PTPRS: variants seen among roughly 807,000 people sequenced by gnomAD.
The protein encoded by PTPRS is protein tyrosine phosphatase receptor type S, also known as receptor-type tyrosine-protein phosphatase S.
A neutral mutation model predicts 215.3 loss-of-function variants in PTPRS; 63 were observed. The ratio of observed to expected loss-of-function variants is 0.29; its 90% CI spans 0.24 to 0.36. PTPRS has a LOEUF of 0.36. Among genes scored for constraint, PTPRS ranks in the 10% least tolerant of loss-of-function variants. The pLI is 1.00. For missense variants in PTPRS, 2,258 were observed against 2,825.8 expected, an observed-to-expected ratio of 0.80 and a Z score of 4.56; for synonymous variants, 1,404 against 1,191.4, an observed-to-expected ratio of 1.18 and a Z score of -3.68.
Position 5,256,217 on chromosome 19 carries a change from G to A in PTPRS, c.707-98C>T, listed in dbSNP as rs1468654012. 4.4e-6 allele frequency: 4 copies of A among 905,644 alleles called. No homozygotes were observed. In the African/African-American group the frequency reaches 5.3e-5, roughly 12 times the overall value. The allele number at this position is 905,644 out of a possible 1,614,324, so 56.1% of individuals were successfully genotyped here. On this transcript the variant is annotated intron_variant, in intron 8 of 37. Transcript: ENST00000262963. ...GAGAGTAAAAAGAGGACTTCCCAAG[G>A]CTAAAAGCTGCAATAGTTTGTTGTT...
At chr19:5,220,190 G>C (rs1201746028) in intron 21 of PTPRS, 36 bp from the exon 22 acceptor site, 1 of 1,608,968 alleles carries the variant, frequency 6.2e-7, no homozygotes, top group Non-Finnish European at 8.5e-7. Context: ...TCAGAGCTCA[G>C]CTGGGAGCAA....
intron 11 of PTPRS, among the ~76,000 whole-genome samples, chr19:5,242,812 T>C (rs1211268905): frequency 6.6e-6 from 1 of 152,130 alleles, no homozygotes; most frequent in Non-Finnish European, 1.5e-5. Flanking sequence ...TCCTCTCATC[T>C]CAGCCTTGAG....
At position 5,338,209 on chromosome 19, in the gene PTPRS, T is replaced by A. The variant is rs2050568745; in HGVS notation, c.-95+2455A>T. Among the ~76,000 whole-genome samples, 1 of 152,182 alleles carries A rather than the reference T, an allele frequency of 6.6e-6. No individual in the cohort carries two copies. The highest frequency in any genetic ancestry group is 1.5e-5 in the Non-Finnish European group (1 of 68,022). On this transcript the variant is annotated intron_variant, in intron 1 of 37. Coordinates refer to ENST00000262963, the MANE Select transcript of PTPRS (RefSeq NM_002850.4). The surrounding 1 kb of genome is among the most constrained non-coding windows in gnomAD (Gnocchi z 4.2). Reference sequence around the variant, plus strand: ...ACCCCCTGGGGGGTTAGGGGCAATGTCATCGGCCAGGGTGGCAGAAATAGA... The same window carrying A: ...ACCCCCTGGGGGGTTAGGGGCAATGACATCGGCCAGGGTGGCAGAAATAGA...
chr19:5,333,555 G>C (rs951313614), intron 1 of PTPRS, among the ~76,000 whole-genome samples: 9 of 151,770 alleles, frequency 5.9e-5, no homozygotes, highest in African/African-American at 2.2e-4. Context: ...TGGGGTGGGG[G>C]GTCCTGTGTG....
chr19:5,241,307 G>A (rs544838984), intron 11 of PTPRS, among the ~76,000 whole-genome samples: 7 of 152,014 alleles, frequency 4.6e-5, no homozygotes, highest in African/African-American at 9.6e-5. Flanking sequence ...TTTTTGAAAC[G>A]GGGTCTCACT....
chr19:5,208,344 C>T lies in PTPRS; in HGVS notation c.5535G>A (p.Pro1845=), dbSNP rs145313091. 8.0e-4 allele frequency: 1,293 copies of T among 1,613,590 alleles called. No homozygotes were observed. The highest frequency in any genetic ancestry group is 1.0e-3 in the Non-Finnish European group (1,215 of 1,179,648). ...CCCCCGACTTTGGCACACCCTGTTCCGGCCAGTCTGTGAACTGGAACTGCC... is the reference window on the plus strand; with the variant it reads ...CCCCCGACTTTGGCACACCCTGTTCTGGCCAGTCTGTGAACTGGAACTGCC... ...TVRQFQFTDW[P]EQGVPKSGEG... The change falls in exon 36 of 38, where the codon CCG becomes CCA. Residue 1845 remains proline, a synonymous_variant. Transcript: ENST00000262963.
chr19:5,340,167 C>A (rs2050643712), intron 1 of PTPRS, among the ~76,000 whole-genome samples: 1 of 151,424 alleles, frequency 6.6e-6, no homozygotes, highest in East Asian at 2.0e-4. Flanking sequence ...CCTCTCCGCT[C>A]CGGGGCGCCC....
At chr19:5,284,299 G>T (rs963605876) in intron 2 of PTPRS, among the ~76,000 whole-genome samples, 1 of 151,886 alleles carries the variant, frequency 6.6e-6, no homozygotes, top group Non-Finnish European at 1.5e-5. Flanking sequence ...GGCGGAGGTT[G>T]CAGTGAGCCG....
Position 5,206,714 on chromosome 19 carries a change from G to GCC in PTPRS, c.*58_*59dup. The GCC allele has an allele frequency of 6.6e-7, 1 of 1,513,680 alleles. No individual in the cohort carries two copies. Among genetic ancestry groups the GCC allele is most frequent in the Non-Finnish European group, 9.2e-7 (1 of 1,090,866 alleles). 93.8% of individuals were successfully genotyped at this position (1,513,680 alleles called of 1,614,324 possible). A position where few individuals can be genotyped will look rare whatever the true frequency, so the allele number is the denominator to read the frequency against. On this transcript the variant is annotated 3_prime_UTR_variant, in exon 38 of 38. Transcript: ENST00000262963. ...TGGGGGTCCAGGCCTCAGGAGGTCC[G>GCC]CCCGGGAGGGGCAGAGGCATCCGGG...
At chr19:5,238,701 CA>C (rs2043702616) in intron 13 of PTPRS, among the ~76,000 whole-genome samples, 2 of 152,252 alleles carry the variant, frequency 1.3e-5, no homozygotes, top group South Asian at 4.1e-4. Context: ...GGCCCAGGGG[CA>C]CAGACAACCC....
intron 2 of PTPRS, chr19:5,278,272 G>A: frequency 2.8e-6 from 1 of 358,584 alleles, no homozygotes; most frequent in Non-Finnish European, 5.2e-6. Flanking sequence ...AGGCTGGAGT[G>A]CAATGGCACG....
At position 5,215,281 on chromosome 19, in the gene PTPRS, C is replaced by T. The variant is rs367664026; in HGVS notation, c.4318+8G>A. The T allele has an allele frequency of 9.9e-6, 16 of 1,613,332 alleles. No homozygotes were observed. Among genetic ancestry groups the T allele is most frequent in the Admixed American group, 5.0e-5 (3 of 59,986 alleles). Reference sequence around the variant, plus strand: ...AGGGCAGGTTAAGACCCGGGATCTCCGAACTACCTTCAATGGGCTGGAGGA... The same window carrying T: ...AGGGCAGGTTAAGACCCGGGATCTCTGAACTACCTTCAATGGGCTGGAGGA... On this transcript the variant is annotated splice_region_variant and intron_variant, in intron 28 of 37. Coordinates refer to ENST00000262963, the MANE Select transcript of PTPRS (RefSeq NM_002850.4).
intron 4 of PTPRS, among the ~76,000 whole-genome samples, chr19:5,272,088 C>A (rs1206662716): frequency 2.0e-5 from 3 of 152,122 alleles, no homozygotes; most frequent in Admixed American, 1.3e-4. Flanking sequence ...CTAGGTCACA[C>A]AGCAACCAAG....
chr19:5,224,280 G>A (rs2042276143), intron 17 of PTPRS, among the ~76,000 whole-genome samples: 1 of 152,214 alleles, frequency 6.6e-6, no homozygotes, highest in Non-Finnish European at 1.5e-5. Context: ...CGTGCTCCAG[G>A]AAGAGGGAAC....
Position 5,273,479 on chromosome 19 carries a change from C to T in PTPRS, c.342G>A (p.Gly114=), listed in dbSNP as rs1317634341. Residue 114 remains glycine (G), a synonymous_variant, in exon 4 of 38, where the codon GGG becomes GGA. Coordinates refer to ENST00000262963, the MANE Select transcript of PTPRS (RefSeq NM_002850.4). Reference sequence around the variant, plus strand: ...TAAGCTTGGCATGGACTGTGATCTCCCCAACCGAGTTCTGGGCCACACACT... The same window carrying T: ...TAAGCTTGGCATGGACTGTGATCTCTCCAACCGAGTTCTGGGCCACACACT... ...VYECVAQNSV[G]EITVHAKLTV... The T allele has an allele frequency of 1.2e-6, 2 of 1,614,180 alleles. No homozygotes were observed. The highest frequency in any genetic ancestry group is 1.1e-5 in the South Asian group (1 of 91,084).
In PTPRS at chr19:5,237,477, G is replaced by A. The variant is rs905583557; in HGVS notation, c.1849+1442C>T. Among the ~76,000 whole-genome samples, 3 of 152,138 alleles carry A rather than the reference G, an allele frequency of 2.0e-5. No individual in the cohort carries two copies. The highest frequency in any genetic ancestry group is 6.5e-5 in the Admixed American group (1 of 15,278). ...GTGTAGGTCACGTCCTTCACAATCC[G>A]GCCCAACCTGCATGACATCTCGGGA... On this transcript the variant is annotated intron_variant, in intron 13 of 37. Transcript: ENST00000262963. The surrounding 1 kb of genome is among the most constrained non-coding windows in gnomAD (Gnocchi z 4.2).
Position 5,212,456 on chromosome 19 carries a change from G to A in PTPRS, c.4650C>T (p.Phe1550=). ...CATGGTCCGGCCACGCCGTAAACTG[G>A]AACTGGCGGACCTCGCGTTTCTCAC... ...GSSEKREVRQ[F]QFTAWPDHGV... is the part of the protein sequence containing the mutation. The change falls in exon 31 of 38, where the codon TTC becomes TTT. Residue 1550 remains phenylalanine (F), a synonymous_variant. Transcript: ENST00000262963. 1 of 1,600,082 alleles carries A rather than the reference G, an allele frequency of 6.2e-7. No homozygotes were observed. Among genetic ancestry groups the A allele is most frequent in the Non-Finnish European group, 8.5e-7 (1 of 1,173,282 alleles).
Position 5,221,403 on chromosome 19 carries a change from C to T in PTPRS, c.3202-150G>A. ...ATCTAACACTGACTGATCCCTGATCCCAGGCTGAGTCCCCAACTCTGACTG... is the reference window on the plus strand; with the variant it reads ...ATCTAACACTGACTGATCCCTGATCTCAGGCTGAGTCCCCAACTCTGACTG... On this transcript the variant is annotated intron_variant, in intron 19 of 37. Coordinates refer to ENST00000262963, the MANE Select transcript of PTPRS (RefSeq NM_002850.4). The T allele has an allele frequency of 4.6e-5, 26 of 560,226 alleles. No individual in the cohort carries two copies. The South Asian group carries it at 7.4e-4, about 16-fold the overall frequency. 34.7% of individuals were successfully genotyped at this position (560,226 alleles called of 1,614,324 possible).
At chr19:5,262,856 C>A in intron 6 of PTPRS, 108 bp downstream of exon 6, 1 of 1,244,646 alleles carries the variant, frequency 8.0e-7, no homozygotes, top group Non-Finnish European at 1.1e-6. Flanking sequence ...CAGAGTGGGT[C>A]ACAGTTACCA....
Sources: gnomAD v4.1 joint callset for allele counts (sites outside exome capture counted in the v4.1 genomes callset) on GRCh38, gnomAD v4.1.1 for gene constraint, Gnocchi (gnomAD v3.1) non-coding constraint, MANE v1.5 for transcripts, NCBI Gene and HGNC (gene_info 2026-07-23, HGNC 2026-07-21) for gene names.